SLF2: variants seen among roughly 807,000 people sequenced by gnomAD.
The protein encoded by SLF2 is SMC5-SMC6 complex localization factor protein 2.
SLF2 carries 68 observed loss-of-function variants against 124.3 expected under a neutral mutation model. That is an observed-to-expected ratio of 0.55 (90% CI 0.45 to 0.67). SLF2 has a LOEUF of 0.67. Among genes scored for constraint, SLF2 ranks in the 30% least tolerant of loss-of-function variants. The pLI, the probability that SLF2 is intolerant of heterozygous loss-of-function variation, is 0.00. For synonymous variants in SLF2, 480 were observed against 478.8 expected (o/e 1.00, Z -0.03); for missense variants, 1,246 against 1,373.7 (o/e 0.91, Z 1.47).
intron 6 of SLF2, 123 bp from the exon 7 acceptor site, chr10:100,929,194 A>G: frequency 1.2e-6 from 1 of 859,294 alleles, no homozygotes. Flanking sequence ...ATAGTATAAC[A>G]AAATTTGTTA....
intron 15 of SLF2, among the ~76,000 whole-genome samples, chr10:100,948,513 C>T (rs1263959122): frequency 1.3e-5 from 2 of 152,068 alleles, no homozygotes; most frequent in Non-Finnish European, 2.9e-5. Context: ...CAATGGAAGT[C>T]CCACTCTGAG....
chr10:100,919,844 G>A (rs768943845), intron 4 of SLF2, among the ~76,000 whole-genome samples: 4 of 152,174 alleles, frequency 2.6e-5, no homozygotes, highest in Non-Finnish European at 4.4e-5. Flanking sequence ...TTTACTTTTA[G>A]AGATGGAAAA....
Position 100,924,321 on chromosome 10 carries a change from C to G in SLF2, c.1320C>G (p.His440Gln). ...GTKETKMQKP[H>Q]LPLSQEKSAI... ...AGGAGACTAAGATGCAGAAACCCCA[C>G]TTACCTTTATCTCAGGAAAAGTCTG... The change falls in exon 5 of 20, where the codon CAC becomes CAG. Residue 440 changes from histidine (H) to glutamine (Q), a missense_variant. By Grantham distance (24) the His-to-Gln change is conservative (BLOSUM62 0). This residue lies in a region of SLF2 where 698 missense variants were observed against 708.9 expected (regional missense o/e 0.98). Transcript: ENST00000238961. The G allele has an allele frequency of 6.2e-7, 1 of 1,614,116 alleles. No individual in the cohort carries two copies. Among genetic ancestry groups the G allele is most frequent in the Non-Finnish European group, 8.5e-7 (1 of 1,180,004 alleles).
In SLF2 at chr10:100,930,001, A is replaced by G. The variant is rs1466021866; in HGVS notation, c.2333+4A>G. 2 of 1,499,686 alleles carry G rather than the reference A, an allele frequency of 1.3e-6. No individual in the cohort carries two copies. The allele number at this position is 1,499,686 out of a possible 1,614,324, so 92.9% of individuals were successfully genotyped here. A position where few individuals can be genotyped will look rare whatever the true frequency, so the allele number is the denominator to read the frequency against. On this transcript the variant is annotated splice_donor_region_variant and intron_variant, in intron 8 of 19. Transcript: ENST00000238961. The stretch of plus-strand genomic sequence containing the variant: ...CTGTAGAAAAACTTATTCTTAAGTA[A>G]GTAGAAAAATAGACATTTTACTTTT...
At chr10:100,939,957 G>C (rs1222145598) in intron 11 of SLF2, among the ~76,000 whole-genome samples, 2 of 152,084 alleles carry the variant, frequency 1.3e-5, no homozygotes, top group Non-Finnish European at 2.9e-5. Context: ...TAGAGACTAT[G>C]TTTCATCACT....
At position 100,924,432 on chromosome 10, in the gene SLF2, C is replaced by T. The variant is rs760884839; in HGVS notation, c.1431C>T (p.Ser477=). The change falls in exon 5 of 20, where the codon TCC becomes TCT. Residue 477 remains serine, a synonymous_variant. Coordinates refer to ENST00000238961, the MANE Select transcript of SLF2 (RefSeq NM_018121.4). The part of the protein sequence containing the change: ...KEKETKLPLL[S]RVPSAGSSLV... ...AGGAGACAAAACTACCTTTACTTTCCCGTGTTCCAAGTGCTGGTTCCTCTC... is the reference window on the plus strand; with the variant it reads ...AGGAGACAAAACTACCTTTACTTTCTCGTGTTCCAAGTGCTGGTTCCTCTC... 3.7e-6 allele frequency: 6 copies of T among 1,614,170 alleles called. No homozygotes were observed. The South Asian group carries it at 6.6e-5, about 18-fold the overall frequency.
chr10:100,937,561 T>A, intron 10 of SLF2, 84 bp downstream of exon 10: 1 of 900,304 alleles, frequency 1.1e-6, no homozygotes. Context: ...TAAATGTTAG[T>A]ATATTTGGAA....
In SLF2 at chr10:100,964,276, A is replaced by G. The variant is rs1850473610; in HGVS notation, c.*2364A>G. On this transcript the variant is annotated 3_prime_UTR_variant, in exon 20 of 20. Coordinates refer to ENST00000238961, the MANE Select transcript of SLF2 (RefSeq NM_018121.4). ...ACTGAGTGGTGGTGTGTTTGGCAAT[A>G]TTACTGTGCCAAAAATCACCTTGTC... 1 of 152,634 alleles carries G rather than the reference A, an allele frequency of 6.6e-6. No individual in the cohort carries two copies. The highest frequency in any genetic ancestry group is 2.4e-5 in the African/African-American group (1 of 41,422). 9.5% of individuals were successfully genotyped at this position (152,634 alleles called of 1,614,324 possible). A position where few individuals can be genotyped will look rare whatever the true frequency, so the allele number is the denominator to read the frequency against.
chr10:100,937,651 C>T lies in SLF2; in HGVS notation c.2512+174C>T, dbSNP rs140371932. Among the ~76,000 whole-genome samples the T allele has an allele frequency of 3.6e-3, 545 of 151,944 alleles. 9 individuals are homozygous for T. Among genetic ancestry groups the T allele is most frequent in the East Asian group, 0.024 (126 of 5,172 alleles). ...TTTGAGACAGAATCTTGCTGTCGCC[C>T]GGGCTGAAGTGCAGTGACACAATCT... On this transcript the variant is annotated intron_variant, in intron 10 of 19. Coordinates refer to ENST00000238961, the MANE Select transcript of SLF2 (RefSeq NM_018121.4).
intron 15 of SLF2, among the ~76,000 whole-genome samples, chr10:100,949,221 C>G (rs1850164220): frequency 6.6e-6 from 1 of 152,166 alleles, no homozygotes; most frequent in African/African-American, 2.4e-5. Flanking sequence ...GCAGATAGTT[C>G]TCATTCCTTT....
rs1849873143 is a variant in SLF2, at chr10:100,936,850, TATAA to T, written c.2437-549_2437-546del. 3.7e-5 allele frequency among the ~76,000 whole-genome samples: 5 copies of T among 135,774 alleles called. No homozygotes were observed. In the South Asian group the frequency reaches 1.2e-3, roughly 33 times the overall value. 89.1% of individuals were successfully genotyped at this position (135,774 alleles called of 152,430 possible). On this transcript the variant is annotated intron_variant, in intron 9 of 19. Transcript: ENST00000238961. ...GTTTCAAATGTTATATTTGTCTAAT[TATAA>T]ATGAAAGTTGTAAAAAAAAAAAAAG... is the stretch of plus-strand genomic sequence containing the variant.
rs756286289 is a variant in SLF2, at chr10:100,917,129, A to G, written c.744A>G (p.Glu248=). 4 of 1,614,220 alleles carry G rather than the reference A, an allele frequency of 2.5e-6. No individual in the cohort carries two copies. Among genetic ancestry groups the G allele is most frequent in the Non-Finnish European group, 3.4e-6 (4 of 1,180,038 alleles). ...LSLASYCRER[E]LKRLRKEQME... Reference sequence around the variant, plus strand: ...TAGCTTCTTACTGCAGAGAACGAGAACTAAAGAGGTTGAGAAAGGAGCAAA... The same window carrying G: ...TAGCTTCTTACTGCAGAGAACGAGAGCTAAAGAGGTTGAGAAAGGAGCAAA... The change falls in exon 3 of 20, where the codon GAA becomes GAG. Residue 248 remains glutamate (E), a synonymous_variant. Transcript: ENST00000238961.
intron 12 of SLF2, 108 bp from the exon 13 acceptor site, chr10:100,945,222 C>A: frequency 1.1e-6 from 1 of 890,422 alleles, no homozygotes; most frequent in Non-Finnish European, 1.6e-6. Flanking sequence ...TGTTTGTTTT[C>A]TTTATAGTTC....
chr10:100,946,958 A>G, intron 13 of SLF2, 81 bp from the exon 14 acceptor site: 1 of 1,094,282 alleles, frequency 9.1e-7, no homozygotes, highest in Non-Finnish European at 1.4e-6. Context: ...CATTATGTCA[A>G]GAAGGGTTGT....
Position 100,952,215 on chromosome 10 carries a change from GC to G in SLF2, c.3330+1464del, listed in dbSNP as rs1281683115. On this transcript the variant is annotated intron_variant, in intron 17 of 19. Coordinates refer to ENST00000238961, the MANE Select transcript of SLF2 (RefSeq NM_018121.4). ...GGCAAGATCGTGCCATTGCACTCCA[GC>G]CTGGGCAACAGAGCGAGACTTCATC... Among the ~76,000 whole-genome samples the G allele has an allele frequency of 2.6e-5, 4 of 151,744 alleles. No individual in the cohort carries two copies. The East Asian group carries it at 5.8e-4, about 22-fold the overall frequency.
intron 9 of SLF2, 149 bp from the exon 10 acceptor site, chr10:100,937,253 C>T (rs576605151): frequency 7.0e-5 from 47 of 668,322 alleles, no homozygotes; most frequent in Middle Eastern, 3.8e-4. Context: ...TCAAGGTATC[C>T]GCCCGCCTTA....
chr10:100,962,095 T>G lies in SLF2; in HGVS notation c.*183T>G. 1.9e-6 allele frequency: 1 copy of G among 520,074 alleles called. No homozygotes were observed. The highest frequency in any genetic ancestry group is 3.4e-6 in the Non-Finnish European group (1 of 298,302). The allele number at this position is 520,074 out of a possible 1,614,324, so 32.2% of individuals were successfully genotyped here. On this transcript the variant is annotated 3_prime_UTR_variant, in exon 20 of 20. Coordinates refer to ENST00000238961, the MANE Select transcript of SLF2 (RefSeq NM_018121.4). ...TGCCATTTCTGAAGCAGATATGAAA[T>G]ATGATCTGCTTAATTGTTAAGGCAA...
At chr10:100,932,689 ATAAGTGTG>A (rs1270346282) in intron 9 of SLF2, among the ~76,000 whole-genome samples, 1 of 112,858 alleles carries the variant, frequency 8.9e-6, no homozygotes, top group Non-Finnish European at 1.8e-5. Context: ...GAGACAAACA[ATAAGTGTG>A]TGTGTGTGTG....
chr10:100,928,038 C>T (rs1189451577), intron 6 of SLF2, among the ~76,000 whole-genome samples: 1 of 43,448 alleles, frequency 2.3e-5, no homozygotes, highest in Non-Finnish European at 6.5e-5. Context: ...AACACCCCCC[C>T]CCCCCCCCAC....
Sources: allele counts gnomAD v4.1 joint callset (sites outside exome capture counted in the v4.1 genomes callset), GRCh38; gene constraint gnomAD v4.1.1; regional missense constraint gnomAD v4.1.1; transcripts MANE v1.5; gene names NCBI Gene and HGNC (gene_info 2026-07-23, HGNC 2026-07-21).